NEK10: variants seen among roughly 807,000 people sequenced by gnomAD.
NEK10 encodes the protein serine/threonine-protein kinase Nek10.
A neutral mutation model predicts 159.8 loss-of-function variants in NEK10; 122 were observed. That is an observed-to-expected ratio of 0.76 (90% confidence interval 0.66 to 0.89). The LOEUF is 0.89. NEK10 is among the 40% of genes least tolerant of loss of function. NEK10 has a pLI of 0.00. For missense variants in NEK10, 1,342 were observed against 1,323.1 expected (o/e 1.01, Z -0.22); for synonymous variants, 466 against 457.1 (o/e 1.02, Z -0.25).
Position 27,215,741 on chromosome 3 carries a change from G to A in NEK10, c.2091-13184C>T, listed in dbSNP as rs763059195. 1.1e-4 allele frequency: 75 copies of A among 710,906 alleles called. No homozygotes were observed. The highest frequency in any genetic ancestry group is 1.7e-4 in the Non-Finnish European group (66 of 384,666). The allele number at this position is 710,906 out of a possible 1,614,324, so 44.0% of individuals were successfully genotyped here. ...GGTTTAATTGGCTCACGGTTCTGCAGGCTGTACAGGAACCATGATGGCATT... is the reference window on the plus strand; with the variant it reads ...GGTTTAATTGGCTCACGGTTCTGCAAGCTGTACAGGAACCATGATGGCATT... On this transcript the variant is annotated intron_variant, in intron 23 of 35. Transcript: ENST00000691995.
At chr3:27,154,411 G>C (rs191395318) in intron 30 of NEK10, among the ~76,000 whole-genome samples, 1 of 152,230 alleles carries the variant, frequency 6.6e-6, no homozygotes, top group Non-Finnish European at 1.5e-5. Context: ...TATTCCATAA[G>C]ATAGAGAAAG....
At chr3:27,228,991 C>T (rs1170839334) in intron 23 of NEK10, among the ~76,000 whole-genome samples, 2 of 152,154 alleles carry the variant, frequency 1.3e-5, no homozygotes, top group South Asian at 4.1e-4. Flanking sequence ...CATCTACGCA[C>T]CTGACCTAGC....
intron 19 of NEK10, among the ~76,000 whole-genome samples, chr3:27,290,218 A>G (rs545792819): frequency 6.6e-6 from 1 of 152,366 alleles, no homozygotes; most frequent in African/African-American, 2.4e-5. Flanking sequence ...ATAAAGTCAT[A>G]TTTGAGGAAT....
intron 23 of NEK10, among the ~76,000 whole-genome samples, chr3:27,239,597 T>C (rs1425771992): frequency 6.6e-6 from 1 of 152,232 alleles, no homozygotes; most frequent in African/African-American, 2.4e-5. Flanking sequence ...GAGACTTGTA[T>C]CCCTCCTCAT....
At chr3:27,296,846 GA>G (rs1277938802) in intron 14 of NEK10, among the ~76,000 whole-genome samples, 1 of 152,066 alleles carries the variant, frequency 6.6e-6, no homozygotes, top group Non-Finnish European at 1.5e-5. Context: ...TAATCAAAAT[GA>G]TTGCTGTCCT....
intron 32 of NEK10, among the ~76,000 whole-genome samples, chr3:27,120,705 T>G (rs1235816731): frequency 6.6e-6 from 1 of 152,168 alleles, no homozygotes; most frequent in Non-Finnish European, 1.5e-5. Flanking sequence ...CCCAGCACTC[T>G]GATGGAAAGA....
intron 23 of NEK10, among the ~76,000 whole-genome samples, chr3:27,237,898 A>G (rs1476227171): frequency 6.6e-6 from 1 of 152,196 alleles, no homozygotes; most frequent in Non-Finnish European, 1.5e-5. Flanking sequence ...TTGTATAAAA[A>G]GGGCTGTGTC....
chr3:27,314,182 TG>T, intron 7 of NEK10, 114 bp downstream of exon 7: 1 of 730,650 alleles, frequency 1.4e-6, no homozygotes, highest in East Asian at 2.7e-5. Context: ...TGTCCCTCTC[TG>T]GGGCAGACAG....
intron 31 of NEK10, among the ~76,000 whole-genome samples, chr3:27,134,040 T>TA (rs1401657033): frequency 6.6e-6 from 1 of 151,848 alleles, no homozygotes; most frequent in African/African-American, 2.4e-5. Context: ...GGAGGAAATT[T>TA]AAAAAAATGT....
Position 27,291,513 on chromosome 3 carries a change from C to T in NEK10, c.1447G>A (p.Glu483Lys), listed in dbSNP as rs2042994840. The change falls in exon 17 of 36, where the codon GAA becomes AAA. Residue 483 changes from glutamate to lysine, a missense_variant. Transcript: ENST00000691995. ...HYVRDISAYE[E>K]LVSKLNLLVE... ...AATAAATTCAGCTTGGATACCAATT[C>T]TTCATAAGCACTGATATCACGTACA... The T allele has an allele frequency of 6.2e-7, 1 of 1,611,330 alleles. No homozygotes were observed. The highest frequency in any genetic ancestry group is 8.5e-7 in the Non-Finnish European group (1 of 1,177,474).
chr3:27,259,067 T>G (rs1386650578), intron 22 of NEK10, among the ~76,000 whole-genome samples: 1 of 108,042 alleles, frequency 9.3e-6, no homozygotes, highest in East Asian at 2.1e-4. Context: ...GATGCAGTTG[T>G]TTTTTTTTTA....
intron 20 of NEK10, among the ~76,000 whole-genome samples, chr3:27,286,410 T>C (rs1296409310): frequency 2.1e-5 from 3 of 142,736 alleles, no homozygotes; most frequent in East Asian, 4.3e-4. Context: ...TGAGGCAGAG[T>C]CTTGCTCTGT....
chr3:27,322,203 G>T lies in NEK10; in HGVS notation c.421C>A (p.Leu141Ile). The change falls in exon 6 of 36, where the codon CTA (leucine) becomes ATA (isoleucine). Residue 141 changes from leucine (L) to isoleucine (I), a missense_variant. By Grantham distance (5) the Leu-to-Ile change is conservative (BLOSUM62 2). Transcript: ENST00000691995. ...TGATAACATGGATCCCTCATTAGTA[G>T]CCTCAGACAGATTAACACTCTCAGA... ...HFLRVLICLRLLMRDPCYQEI... is the reference protein window; with the variant it reads ...HFLRVLICLRILMRDPCYQEI... The T allele has an allele frequency of 6.4e-7, 1 of 1,563,138 alleles. No homozygotes were observed. The highest frequency in any genetic ancestry group is 8.7e-7 in the Non-Finnish European group (1 of 1,148,830).
At chr3:27,199,313 C>T (rs972341241) in intron 25 of NEK10, among the ~76,000 whole-genome samples, 1 of 152,136 alleles carries the variant, frequency 6.6e-6, no homozygotes, top group Non-Finnish European at 1.5e-5. Flanking sequence ...TGAACAGACA[C>T]TTCACAAAAG....
chr3:27,348,911 A>C lies in NEK10; in HGVS notation c.133-2695T>G, dbSNP rs2047765128. On this transcript the variant is annotated intron_variant, in intron 3 of 35. Transcript: ENST00000691995. ...CACTTTGTTCCCAGTCTCTTTGCCA[A>C]ACTAATTCATCTGCTAAACCACCTT... Among the ~76,000 whole-genome samples the C allele has an allele frequency of 2.6e-5, 4 of 152,142 alleles. No homozygotes were observed. The South Asian group carries it at 6.2e-4, about 24-fold the overall frequency.
chr3:27,171,017 A>T (rs1178733473), intron 29 of NEK10, among the ~76,000 whole-genome samples: 1 of 151,978 alleles, frequency 6.6e-6, no homozygotes, highest in Non-Finnish European at 1.5e-5. Flanking sequence ...TCCATCAAAC[A>T]TTCCCCACCA....
intron 5 of NEK10, among the ~76,000 whole-genome samples, chr3:27,337,684 G>C (rs1221068358): frequency 6.6e-6 from 1 of 152,034 alleles, no homozygotes; most frequent in African/African-American, 2.4e-5. Flanking sequence ...AAGGCACCAA[G>C]AATATTCACT....
chr3:27,244,038 C>A (rs898610854), intron 23 of NEK10, among the ~76,000 whole-genome samples: 1 of 152,158 alleles, frequency 6.6e-6, no homozygotes, highest in South Asian at 2.1e-4. Context: ...CCCAAAAAAA[C>A]CGCATTTCCA....
At chr3:27,288,049 C>T (rs569960) in intron 19 of NEK10, among the ~76,000 whole-genome samples, 56,268 of 152,014 alleles carry the variant, frequency 0.37, 12,757 homozygotes, top group African/African-American at 0.65. Context: ...CTTAAGAATT[C>T]CTTTAGCACA....
Sources: allele counts gnomAD v4.1 joint callset (sites outside exome capture counted in the v4.1 genomes callset), GRCh38; gene constraint gnomAD v4.1.1; transcripts MANE v1.5; gene names NCBI Gene and HGNC (gene_info 2026-07-23, HGNC 2026-07-21).